The following MET variants were observed in gnomAD, a reference collection of about 807,000 sequenced individuals.
The protein encoded by MET is hepatocyte growth factor receptor.
Under a neutral mutation model 133.1 loss-of-function variants are expected in MET, and 48 were observed. The observed-to-expected ratio is 0.36, with a 90% CI of 0.29 to 0.46. The LOEUF is 0.46. MET is among the 20% of genes least tolerant of loss of function. The pLI, the probability that MET is intolerant of heterozygous loss-of-function variation, is 1.00. For missense variants in MET, 1,442 were observed against 1,695.9 expected, an observed-to-expected ratio of 0.85 and a Z score of 2.63; for synonymous variants, 628 against 616.5, an observed-to-expected ratio of 1.02 and a Z score of -0.28.
chr7:116,704,698 A>T (rs1474571914), intron 2 of MET, among the ~76,000 whole-genome samples: 1 of 152,068 alleles, frequency 6.6e-6, no homozygotes, highest in Non-Finnish European at 1.5e-5. Context: ...GGGGCAGAGG[A>T]TGGGGAGAAA....
intron 1 of MET, among the ~76,000 whole-genome samples, chr7:116,673,125 T>C (rs1169601704): frequency 6.6e-6 from 1 of 152,198 alleles, no homozygotes; most frequent in Non-Finnish European, 1.5e-5. Flanking sequence ...TCTATCTTAT[T>C]AGGTGAAATA....
chr7:116,777,422 T>C lies in MET; in HGVS notation c.3293T>C (p.Leu1098Ser). 2.5e-6 allele frequency: 4 copies of C among 1,613,928 alleles called. No homozygotes were observed. The highest frequency in any genetic ancestry group is 3.4e-6 in the Non-Finnish European group (4 of 1,179,864). The change falls in exon 16 of 21, where the codon TTG becomes TCG. Residue 1098 changes from leucine (L) to serine (S), a missense_variant. Physicochemically the swap from Leu to Ser is moderately radical, Grantham distance 145. Coordinates refer to ENST00000397752, the MANE Select transcript of MET (RefSeq NM_000245.4). ...HFGCVYHGTL[L>S]DNDGKKIHCA... ...GGTTGTGTATATCATGGGACTTTGT[T>C]GGACAATGATGGCAAGAAAATTCAC...
intron 3 of MET, among the ~76,000 whole-genome samples, chr7:116,737,068 G>A: frequency 6.6e-6 from 1 of 152,334 alleles, no homozygotes; most frequent in Admixed American, 6.5e-5. Flanking sequence ...TCCCTGCAGA[G>A]AACGGGCTAA....
intron 1 of MET, among the ~76,000 whole-genome samples, chr7:116,692,789 A>G (rs1298591677): frequency 6.6e-6 from 1 of 152,246 alleles, no homozygotes; most frequent in African/African-American, 2.4e-5. Flanking sequence ...CTGAAAAGAA[A>G]TAAAGAAATG....
chr7:116,684,519 A>G (rs1796477800), intron 1 of MET, among the ~76,000 whole-genome samples: 1 of 152,222 alleles, frequency 6.6e-6, no homozygotes, highest in South Asian at 2.1e-4. Flanking sequence ...CTAATTCCTT[A>G]CTAGAAGGTA....
At chr7:116,684,674 T>C (rs1007716883) in intron 1 of MET, among the ~76,000 whole-genome samples, 1 of 152,114 alleles carries the variant, frequency 6.6e-6, no homozygotes, top group Non-Finnish European at 1.5e-5. Context: ...GCTGAGCACA[T>C]GGCTTGCTTC....
chr7:116,683,101 G>A (rs1796422084), intron 1 of MET, among the ~76,000 whole-genome samples: 1 of 152,092 alleles, frequency 6.6e-6, no homozygotes, highest in Non-Finnish European at 1.5e-5. Flanking sequence ...TTTAGGCTCA[G>A]TGGTACATGC....
Position 116,712,469 on chromosome 7 carries a change from A to G in MET, c.1200+12185A>G, listed in dbSNP as rs191015255. 2.4e-3 allele frequency among the ~76,000 whole-genome samples: 369 copies of G among 152,374 alleles called. 3 individuals are homozygous for G. Among genetic ancestry groups the G allele is most frequent in the African/African-American group, 8.5e-3 (353 of 41,582 alleles). On this transcript the variant is annotated intron_variant, in intron 2 of 20. Transcript: ENST00000397752. The stretch of plus-strand genomic sequence containing the variant: ...CCTAATACAATAGCTTGAACAATAT[A>G]TACATTTATCGGATGAGCAAAGAAG...
intron 1 of MET, chr7:116,695,809 C>A (rs778573027): frequency 6.2e-6 from 3 of 487,576 alleles, no homozygotes; most frequent in Non-Finnish European, 1.3e-5. Flanking sequence ...GGTAAGCACT[C>A]AATACATGTT....
intron 19 of MET, among the ~76,000 whole-genome samples, chr7:116,783,829 G>A (rs898299642): frequency 1.3e-5 from 2 of 152,226 alleles, no homozygotes; most frequent in Non-Finnish European, 2.9e-5. Flanking sequence ...CCCCAGGCGA[G>A]CAAGAATTCC....
At chr7:116,750,930 G>A (rs1351982820) in intron 5 of MET, among the ~76,000 whole-genome samples, 3 of 152,320 alleles carry the variant, frequency 2.0e-5, no homozygotes, top group African/African-American at 7.2e-5. Context: ...AATATGTGCT[G>A]GAGAGGATGT....
intron 2 of MET, among the ~76,000 whole-genome samples, chr7:116,719,863 A>G (rs1319462130): frequency 1.2e-4 from 19 of 152,088 alleles, no homozygotes; most frequent in East Asian, 5.8e-4. Flanking sequence ...CTGTTTTGGT[A>G]CCAGTACCAT....
chr7:116,756,242 C>T (rs561420700), intron 6 of MET, among the ~76,000 whole-genome samples: 3 of 152,326 alleles, frequency 2.0e-5, no homozygotes, highest in African/African-American at 4.8e-5. Flanking sequence ...TACCCTTCTA[C>T]AAGCTTTGAA....
chr7:116,738,649 T>C (rs1320742117), intron 3 of MET, among the ~76,000 whole-genome samples: 1 of 152,168 alleles, frequency 6.6e-6, no homozygotes, highest in Non-Finnish European at 1.5e-5. Flanking sequence ...TTTACAGCTG[T>C]ATGTGAGCTT....
At chr7:116,775,913 A>G (rs1794980769) in intron 15 of MET, among the ~76,000 whole-genome samples, 2 of 152,152 alleles carry the variant, frequency 1.3e-5, no homozygotes, top group African/African-American at 4.8e-5. Flanking sequence ...TATCATCTCT[A>G]CAATGCACTC....
chr7:116,695,031 G>A (rs1458106027), intron 1 of MET, among the ~76,000 whole-genome samples: 1 of 152,080 alleles, frequency 6.6e-6, no homozygotes, highest in Non-Finnish European at 1.5e-5. Flanking sequence ...CTGCATTAAT[G>A]GACATCAACT....
In MET at chr7:116,769,762, C is replaced by G. The variant is rs1384134548; in HGVS notation, c.2701C>G (p.Leu901Val). The G allele has an allele frequency of 6.2e-7, 1 of 1,613,728 alleles. No individual in the cohort carries two copies. The highest frequency in any genetic ancestry group is 8.5e-7 in the Non-Finnish European group (1 of 1,179,830). The change falls in exon 12 of 21, where the codon CTG (leucine) becomes GTG (valine). Residue 901 changes from leucine (L) to valine (V), a missense_variant. Around this residue, in one of 6 missense-constraint regions of MET, gnomAD observed 514 missense variants for 659.6 expected, o/e 0.78. Transcript: ENST00000397752. ...TTTATGCACGGTCCCCAATGACCTG[C>G]TGAAATTGAACAGCGAGCTAAATAT... ...AVLCTVPNDL[L>V]KLNSELNIEW...
At chr7:116,744,089 C>T (rs1158678854) in intron 5 of MET, among the ~76,000 whole-genome samples, 4 of 152,084 alleles carry the variant, frequency 2.6e-5, no homozygotes, top group Admixed American at 6.5e-5. Flanking sequence ...GAAAAACCAG[C>T]GCAGAAAGGC....
At position 116,757,667 on chromosome 7, in the gene MET, A is replaced by T; in HGVS notation, c.1995A>T (p.Lys665Asn). Reference sequence around the variant, plus strand: ...CTGTAATAACAAGTATTTCGCCGAAATACGGTCCTATGGCTGGTGGCACTT... The same window carrying T: ...CTGTAATAACAAGTATTTCGCCGAATTACGGTCCTATGGCTGGTGGCACTT... ...VDPVITSISP[K>N]YGPMAGGTLL... The change falls in exon 8 of 21, where the codon AAA becomes AAT. Residue 665 changes from lysine to asparagine, a missense_variant. Lys to Asn is a moderately conservative substitution (Grantham distance 94). Around this residue, in one of 6 missense-constraint regions of MET, gnomAD observed 514 missense variants for 659.6 expected, o/e 0.78. Transcript: ENST00000397752. The T allele has an allele frequency of 6.2e-7, 1 of 1,614,056 alleles. No individual in the cohort carries two copies. Among genetic ancestry groups the T allele is most frequent in the East Asian group, 2.2e-5 (1 of 44,856 alleles).
Sources: allele counts gnomAD v4.1 joint callset (sites outside exome capture counted in the v4.1 genomes callset), GRCh38; gene constraint gnomAD v4.1.1; regional missense constraint gnomAD v4.1.1; transcripts MANE v1.5; gene names NCBI Gene and HGNC (gene_info 2026-07-23, HGNC 2026-07-21).